The following EXOC4 variants were observed in gnomAD, a reference collection of about 807,000 sequenced individuals.
EXOC4 encodes the protein exocyst complex component 4.
EXOC4 carries 71 observed loss-of-function variants against 107.2 expected under a neutral mutation model. The observed-to-expected ratio is 0.66, with a 90% CI of 0.55 to 0.81. The LOEUF (loss-of-function observed/expected upper bound fraction) is 0.81. Among genes scored for constraint, EXOC4 ranks in the 30% least tolerant of loss-of-function variants. The pLI, the probability that EXOC4 is intolerant of heterozygous loss-of-function variation, is 0.00. For missense variants in EXOC4, 1,108 were observed against 1,189.6 expected, an observed-to-expected ratio of 0.93 and a Z score of 1.01; for synonymous variants, 456 against 441.2, an observed-to-expected ratio of 1.03 and a Z score of -0.42.
At chr7:134,074,964 G>A in the EXOC4 span, among the ~76,000 whole-genome samples, 1 of 152,152 alleles carries the variant, frequency 6.6e-6, no homozygotes, top group African/African-American at 2.4e-5. Flanking sequence ...CAATGTGAGG[G>A]CTGAGATGAA....
rs78571847 is a variant in EXOC4, at chr7:133,611,378, G to A, written c.1418-18667G>A. Among the ~76,000 whole-genome samples the A allele has an allele frequency of 5.3e-3, 799 of 152,118 alleles. 8 individuals are homozygous for A. Among genetic ancestry groups the A allele is most frequent in the African/African-American group, 0.018 (748 of 41,500 alleles). ...ATTTTGAAGCTAGACTTTATATCAG[G>A]GTAAAAATTAAGGAAAAGATTGTGT... On this transcript the variant is annotated intron_variant, in intron 9 of 17. Transcript: ENST00000253861.
At chr7:134,003,949 T>A (rs1794585028) in intron 15 of EXOC4, among the ~76,000 whole-genome samples, 1 of 152,130 alleles carries the variant, frequency 6.6e-6, no homozygotes, top group South Asian at 2.1e-4. Context: ...CAGGCCATTT[T>A]CACACAGAAA....
At chr7:133,874,985 A>T (rs1324997729) in intron 11 of EXOC4, among the ~76,000 whole-genome samples, 1 of 152,220 alleles carries the variant, frequency 6.6e-6, no homozygotes, top group East Asian at 1.9e-4. Context: ...TCTAAATAAC[A>T]TTGCTACATC....
At chr7:133,270,873 T>C (rs1793852295) in intron 1 of EXOC4, among the ~76,000 whole-genome samples, 1 of 152,032 alleles carries the variant, frequency 6.6e-6, no homozygotes, top group Non-Finnish European at 1.5e-5. Context: ...TTTGCTAGCA[T>C]GTGTGAGAAC....
At position 134,062,183 on chromosome 7, in the gene EXOC4, A is replaced by G. The variant is rs188358557; in HGVS notation, c.2688-2108A>G. On this transcript the variant is annotated intron_variant, in intron 17 of 17. Coordinates refer to ENST00000253861, the MANE Select transcript of EXOC4 (RefSeq NM_021807.4). ...GCAGGAGAGCTTCATTAACTTACCA[A>G]TCTACAAAGAGCACTTTCCATTTCT... Among the ~76,000 whole-genome samples, 151 of 152,268 alleles carry G rather than the reference A, an allele frequency of 9.9e-4. 2 individuals carry two copies. Among genetic ancestry groups the G allele is most frequent in the African/African-American group, 3.3e-3 (136 of 41,558 alleles).
intron 7 of EXOC4, among the ~76,000 whole-genome samples, chr7:133,436,793 C>G (rs1452706679): frequency 6.6e-6 from 1 of 152,280 alleles, no homozygotes; most frequent in East Asian, 1.9e-4. Context: ...TACCCTCCCC[C>G]TTTATTTTAG....
intron 9 of EXOC4, among the ~76,000 whole-genome samples, chr7:133,595,544 GTTCT>G (rs547677040): frequency 5.6e-4 from 85 of 152,172 alleles, no homozygotes; most frequent in African/African-American, 2.0e-3. Context: ...ACATTTTTTA[GTTCT>G]TTCTATGTGT....
chr7:133,715,549 A>G (rs1422801247), intron 10 of EXOC4, among the ~76,000 whole-genome samples: 1 of 152,068 alleles, frequency 6.6e-6, no homozygotes, highest in Non-Finnish European at 1.5e-5. Flanking sequence ...TTATAGTAAT[A>G]TAAAAAGTTA....
chr7:133,861,550 T>G (rs1263189358), intron 11 of EXOC4, among the ~76,000 whole-genome samples: 2 of 152,156 alleles, frequency 1.3e-5, no homozygotes, highest in East Asian at 1.9e-4. Context: ...GTTTTGTTTT[T>G]TTGTGACAGA....
chr7:133,981,771 A>G (rs1339867728), intron 14 of EXOC4, among the ~76,000 whole-genome samples: 1 of 152,240 alleles, frequency 6.6e-6, no homozygotes, highest in Non-Finnish European at 1.5e-5. Context: ...AGGAATATAA[A>G]TAGTTCTACT....
At chr7:133,503,249 G>C (rs1799607600) in intron 9 of EXOC4, among the ~76,000 whole-genome samples, 1 of 151,948 alleles carries the variant, frequency 6.6e-6, no homozygotes, top group Non-Finnish European at 1.5e-5. Context: ...AATAAGGGTG[G>C]GGCTTTTTGT....
chr7:133,608,299 G>T (rs1379544380), intron 9 of EXOC4, among the ~76,000 whole-genome samples: 1 of 151,918 alleles, frequency 6.6e-6, no homozygotes, highest in Non-Finnish European at 1.5e-5. Flanking sequence ...TTAACAGTTT[G>T]TTTGATTACC....
At chr7:133,626,564 G>A (rs1262447364) in intron 9 of EXOC4, among the ~76,000 whole-genome samples, 1 of 152,112 alleles carries the variant, frequency 6.6e-6, no homozygotes, top group African/African-American at 2.4e-5. Context: ...GTTGGGGTAG[G>A]GAGGAGAGTC....
chr7:133,266,699 A>C (rs185228281), intron 1 of EXOC4, among the ~76,000 whole-genome samples: 10 of 152,330 alleles, frequency 6.6e-5, no homozygotes, highest in African/African-American at 9.6e-5. Flanking sequence ...TCTAGGCCTG[A>C]ATTGAGTTTT....
At chr7:133,316,832 C>G (rs1016798341) in intron 4 of EXOC4, among the ~76,000 whole-genome samples, 19 of 152,128 alleles carry the variant, frequency 1.2e-4, no homozygotes, top group African/African-American at 4.6e-4. Context: ...ATGTCAAAAA[C>G]TATAGCCTGA....
At chr7:133,979,645 G>A (rs552163387) in intron 14 of EXOC4, among the ~76,000 whole-genome samples, 9 of 152,064 alleles carry the variant, frequency 5.9e-5, no homozygotes, top group Admixed American at 5.2e-4. Flanking sequence ...AAAATTAGCC[G>A]GGCATGGTGG....
chr7:133,361,832 T>C (rs1252662043), intron 6 of EXOC4, among the ~76,000 whole-genome samples: 1 of 152,228 alleles, frequency 6.6e-6, no homozygotes, highest in Non-Finnish European at 1.5e-5. Flanking sequence ...AGTGAAGATA[T>C]AGATACAATA....
chr7:134,052,958 G>A (rs143347305), intron 17 of EXOC4, among the ~76,000 whole-genome samples: 30 of 152,248 alleles, frequency 2.0e-4, no homozygotes, highest in Middle Eastern at 3.4e-3. Context: ...TTCATTCATA[G>A]TTCCTCTTTT....
intron 1 of EXOC4, among the ~76,000 whole-genome samples, chr7:133,271,193 C>T (rs995112529): frequency 1.3e-5 from 2 of 152,156 alleles, no homozygotes; most frequent in Admixed American, 6.5e-5. Context: ...GCTGGGATTA[C>T]AGGTATGAAC....
Sources: gnomAD v4.1 joint callset for allele counts (sites outside exome capture counted in the v4.1 genomes callset) on GRCh38, gnomAD v4.1.1 for gene constraint, MANE v1.5 for transcripts, NCBI Gene and HGNC (gene_info 2026-07-23, HGNC 2026-07-21) for gene names.